MYO3B: variants seen among roughly 807,000 people sequenced by gnomAD.
MYO3B encodes the protein myosin IIIB.
Under a neutral mutation model 174.6 loss-of-function variants are expected in MYO3B, and 156 were observed. The ratio of observed to expected loss-of-function variants is 0.89; its 90% CI spans 0.78 to 1.02. The LOEUF (loss-of-function observed/expected upper bound fraction) is 1.02. Ranked by LOEUF, MYO3B falls within the 50% of genes least tolerant of loss-of-function variation. The pLI is 0.00. For missense variants in MYO3B, 1,632 were observed against 1,639.4 expected, an observed-to-expected ratio of 1.00 and a Z score of 0.08; for synonymous variants, 563 against 569.1, an observed-to-expected ratio of 0.99 and a Z score of 0.15.
At chr2:170,342,181 G>A (rs1469342084) in intron 8 of MYO3B, 2 of 152,228 alleles carry the variant, frequency 1.3e-5, no homozygotes, top group African/African-American at 4.8e-5. Flanking sequence ...TGTGGCATAT[G>A]TCATAGATTT....
At chr2:170,599,730 A>G (rs1033545490) in intron 32 of MYO3B, among the ~76,000 whole-genome samples, 3 of 152,208 alleles carry the variant, frequency 2.0e-5, no homozygotes, top group Admixed American at 6.5e-5. Context: ...CCTGGGTGAC[A>G]GAGTGAAACT....
chr2:170,215,070 GA>G (rs770650432), intron 5 of MYO3B, among the ~76,000 whole-genome samples: 57 of 152,314 alleles, frequency 3.7e-4, no homozygotes, highest in Non-Finnish European at 7.5e-4. Context: ...TGTTTCAAAA[GA>G]AGAACTTGAT....
chr2:170,407,757 ACT>A lies in MYO3B; in HGVS notation c.2567_2568del (p.Leu856ProfsTer29). 1 of 1,613,584 alleles carries A rather than the reference ACT, an allele frequency of 6.2e-7. No homozygotes were observed. Among genetic ancestry groups the A allele is most frequent in the Non-Finnish European group, 8.5e-7 (1 of 1,179,844 alleles). On this transcript the variant is annotated frameshift_variant, in exon 22 of 35. Coordinates refer to ENST00000408978, the MANE Select transcript of MYO3B (RefSeq NM_138995.5). LOFTEE classifies it high-confidence loss of function. ...ASGVLEKNRD[T>X]LPADVVVVLR... is the part of the protein sequence containing the mutation. ...TGGGGTTCTTGAGAAAAATAGAGAC[ACT>A]CTCCCTGCCGATGTGGTTGTGGTCC...
chr2:170,354,947 G>A (rs1355728637), intron 8 of MYO3B, among the ~76,000 whole-genome samples: 1 of 151,954 alleles, frequency 6.6e-6, no homozygotes, highest in Non-Finnish European at 1.5e-5. Flanking sequence ...TGACATCCTG[G>A]GGGTGGGGTG....
Position 170,305,408 on chromosome 2 carries a change from A to G in MYO3B, c.750-29977A>G, listed in dbSNP as rs563218466. On this transcript the variant is annotated intron_variant, in intron 7 of 34. Transcript: ENST00000408978. Reference sequence around the variant, plus strand: ...TTTTCCCCCCAAAATGTTTCTGCCTATTTTTCCACACTTATTCCTCCAGAG... The same window carrying G: ...TTTTCCCCCCAAAATGTTTCTGCCTGTTTTTCCACACTTATTCCTCCAGAG... Among the ~76,000 whole-genome samples, 4 of 152,180 alleles carry G rather than the reference A, an allele frequency of 2.6e-5. No homozygotes were observed. The South Asian group carries it at 8.3e-4, about 32-fold the overall frequency.
intron 32 of MYO3B, among the ~76,000 whole-genome samples, chr2:170,590,172 G>A (rs759241366): frequency 7.2e-5 from 11 of 152,248 alleles, no homozygotes; most frequent in Middle Eastern, 3.4e-3. Flanking sequence ...CTGTATATAC[G>A]TGATATGAGA....
intron 12 of MYO3B, 69 bp from the exon 13 acceptor site, chr2:170,386,120 G>A: frequency 7.7e-7 from 1 of 1,302,246 alleles, no homozygotes; most frequent in Non-Finnish European, 1.1e-6. Flanking sequence ...AGTAGTGGAT[G>A]TTATATGAAG....
intron 32 of MYO3B, among the ~76,000 whole-genome samples, chr2:170,592,944 A>G (rs1416043896): frequency 6.9e-6 from 1 of 144,236 alleles, no homozygotes; most frequent in Non-Finnish European, 1.6e-5. Flanking sequence ...ATCTAGATCT[A>G]TATATAGATA....
chr2:170,377,570 C>T (rs1395026320), intron 9 of MYO3B, among the ~76,000 whole-genome samples: 1 of 152,146 alleles, frequency 6.6e-6, no homozygotes, highest in Non-Finnish European at 1.5e-5. Context: ...TCCCTGAAAC[C>T]TAAGGCCCGT....
At chr2:170,245,036 G>A (rs79554584) in intron 7 of MYO3B, among the ~76,000 whole-genome samples, 8 of 152,162 alleles carry the variant, frequency 5.3e-5, no homozygotes, top group African/African-American at 1.9e-4. Context: ...GGGGATAATC[G>A]TGTTGGTATG....
intron 7 of MYO3B, among the ~76,000 whole-genome samples, chr2:170,294,772 TTAAG>T (rs2093618202): frequency 6.6e-6 from 1 of 152,150 alleles, no homozygotes; most frequent in Admixed American, 6.5e-5. Context: ...AGATTGAACT[TTAAG>T]ATAAACTATG....
At chr2:170,559,350 A>G (rs889857430) in intron 32 of MYO3B, among the ~76,000 whole-genome samples, 1 of 152,230 alleles carries the variant, frequency 6.6e-6, no homozygotes, top group African/African-American at 2.4e-5. Context: ...AGTTAGCTCT[A>G]TATTTGGCTG....
chr2:170,239,617 G>A (rs1332848821), intron 7 of MYO3B, among the ~76,000 whole-genome samples: 1 of 152,252 alleles, frequency 6.6e-6, no homozygotes, highest in Non-Finnish European at 1.5e-5. Flanking sequence ...GAAATGGACA[G>A]CACAGGCTGG....
chr2:170,397,596 T>A (rs2094448718), intron 16 of MYO3B, among the ~76,000 whole-genome samples: 1 of 152,246 alleles, frequency 6.6e-6, no homozygotes, highest in South Asian at 2.1e-4. Flanking sequence ...AGAGCTTAGA[T>A]AATCGGAACC....
At position 170,382,876 on chromosome 2, in the gene MYO3B, T is replaced by C; in HGVS notation, c.1069-197T>C. 6.2e-6 allele frequency: 3 copies of C among 482,296 alleles called. No homozygotes were observed. In the East Asian group the frequency reaches 9.8e-5, roughly 16 times the overall value. 29.9% of individuals were successfully genotyped at this position (482,296 alleles called of 1,614,324 possible). On this transcript the variant is annotated intron_variant, in intron 10 of 34. Coordinates refer to ENST00000408978, the MANE Select transcript of MYO3B (RefSeq NM_138995.5). ...AGTGGGCCTAATTCTTTCAGTGTAT[T>C]CCTATTTTTTCTTTCAAGGCAAATA...
intron 5 of MYO3B, among the ~76,000 whole-genome samples, chr2:170,215,593 C>T (rs1243378829): frequency 1.3e-5 from 2 of 151,828 alleles, no homozygotes; most frequent in African/African-American, 4.8e-5. Context: ...TGTCTTATTG[C>T]TAAGAAAGAG....
chr2:170,314,724 T>G (rs1559380582), intron 7 of MYO3B, among the ~76,000 whole-genome samples: 1 of 152,196 alleles, frequency 6.6e-6, no homozygotes, highest in Non-Finnish European at 1.5e-5. Flanking sequence ...CAAGTCCTAA[T>G]GAAACAATAA....
chr2:170,440,983 G>A (rs1196499455), intron 22 of MYO3B, among the ~76,000 whole-genome samples: 1 of 151,646 alleles, frequency 6.6e-6, no homozygotes, highest in East Asian at 2.0e-4. Context: ...TGTATTTTTA[G>A]TAGAGACGGG....
chr2:170,595,468 TCA>T (rs1694088515), intron 32 of MYO3B, among the ~76,000 whole-genome samples: 1 of 152,140 alleles, frequency 6.6e-6, no homozygotes, highest in Non-Finnish European at 1.5e-5. Context: ...AGACAGAGTC[TCA>T]CTCTGTTACT....
Sources: allele counts gnomAD v4.1 joint callset (sites outside exome capture counted in the v4.1 genomes callset), GRCh38; gene constraint gnomAD v4.1.1; transcripts MANE v1.5; gene names NCBI Gene and HGNC (gene_info 2026-07-23, HGNC 2026-07-21).